ZNF90: variants seen among roughly 807,000 people sequenced by gnomAD.
ZNF90 encodes zinc finger protein 90, also known as zinc finger protein HTF9.
A neutral mutation model predicts 12.0 loss-of-function variants in ZNF90; 11 were observed. The ratio of observed to expected loss-of-function variants is 0.92; its 90% CI spans 0.58 to 1.52. The LOEUF (loss-of-function observed/expected upper bound fraction) is 1.52. Among genes scored for constraint, ZNF90 ranks in the 40% most tolerant of loss-of-function variants. ZNF90 has a pLI of 0.00. For synonymous variants in ZNF90, 232 were observed against 240.1 expected (o/e 0.97, Z 0.31); for missense variants, 765 against 711.5 (o/e 1.08, Z -0.86).
intron 1 of ZNF90, among the ~76,000 whole-genome samples, chr19:20,088,215 G>A (rs1173228817): frequency 4.6e-5 from 7 of 151,802 alleles, no homozygotes; most frequent in Non-Finnish European, 1.0e-4. Flanking sequence ...TTTGGGGGGT[G>A]GTATGGAGAG....
At chr19:20,093,095 G>A (rs1469647181) in intron 1 of ZNF90, among the ~76,000 whole-genome samples, 1 of 152,210 alleles carries the variant, frequency 6.6e-6, no homozygotes, top group Non-Finnish European at 1.5e-5. Flanking sequence ...AGTGAAAAAA[G>A]CATCTTTAAG....
At chr19:20,115,289 C>G (rs1163338111) in intron 3 of ZNF90, among the ~76,000 whole-genome samples, 2 of 152,002 alleles carry the variant, frequency 1.3e-5, no homozygotes, top group East Asian at 3.9e-4. Context: ...GAAAGAATGT[C>G]TCTTGATTGG....
At chr19:20,110,502 G>T (rs983181561) in intron 3 of ZNF90, among the ~76,000 whole-genome samples, 3 of 152,074 alleles carry the variant, frequency 2.0e-5, no homozygotes, top group Non-Finnish European at 2.9e-5. Flanking sequence ...CTGACGTCAG[G>T]TGATCTGCCC....
At chr19:20,115,349 G>T (rs1467289639) in intron 3 of ZNF90, among the ~76,000 whole-genome samples, 4 of 150,590 alleles carry the variant, frequency 2.7e-5, no homozygotes, top group Non-Finnish European at 5.9e-5. Flanking sequence ...AAAGAGAAAA[G>T]CTTACTAATG....
intron 1 of ZNF90, among the ~76,000 whole-genome samples, chr19:20,095,008 G>T (rs190971742): frequency 2.6e-5 from 4 of 152,152 alleles, no homozygotes; most frequent in African/African-American, 9.6e-5. Flanking sequence ...GTGGAGGAGT[G>T]GAGGCTGAGG....
chr19:20,118,665 T>C lies in ZNF90; in HGVS notation c.1111T>C (p.Cys371Arg). The C allele has an allele frequency of 6.4e-7, 1 of 1,568,282 alleles. No individual in the cohort carries two copies. The highest frequency in any genetic ancestry group is 1.2e-5 in the South Asian group (1 of 85,264). Residue 371 changes from cysteine (C) to arginine (R), a missense_variant, in exon 4 of 4, where the codon TGT becomes CGT. Physicochemically the swap from Cys to Arg is radical, Grantham distance 180. Transcript: ENST00000418063. ...TCATACTGGAGAGAAACCCTACAAG[T>C]GTGATAAATGTGGCAAAGCATTTAT... ...RIHTGEKPYKCDKCGKAFISS... is the reference protein window; with the variant it reads ...RIHTGEKPYKRDKCGKAFISS...
rs1244091049 is a variant in ZNF90 at position 20,118,568 on chromosome 19, G to T, written c.1014G>T (p.Glu338Asp). 2.5e-6 allele frequency: 4 copies of T among 1,613,254 alleles called. No individual in the cohort carries two copies. Among genetic ancestry groups the T allele is most frequent in the Non-Finnish European group, 3.4e-6 (4 of 1,179,936 alleles). ...CACATAAGAGAATCCATACTGGAGA[G>T]AAACCCTACAAATGTGAAGAATGTG... ...LSTHKRIHTG[E>D]KPYKCEECGK... is the part of the protein sequence containing the mutation. Residue 338 changes from glutamate (E) to aspartate (D), a missense_variant, in exon 4 of 4, where the codon GAG (glutamate) becomes GAT (aspartate). Physicochemically the swap from Glu to Asp is conservative, Grantham distance 45. Transcript: ENST00000418063.
intron 1 of ZNF90, among the ~76,000 whole-genome samples, chr19:20,083,930 A>G (rs782503268): frequency 4.0e-5 from 6 of 151,498 alleles, no homozygotes; most frequent in Non-Finnish European, 8.8e-5. Flanking sequence ...TTCTTTTTGT[A>G]TTTTTTGTGG....
In ZNF90 at chr19:20,117,397, C is replaced by CTTTTCTCCTTCCTTCCTTCCTTCCTTCCT. The variant is rs1294206352; in HGVS notation, c.227-383_227-382insTTTCTCCTTCCTTCCTTCCTTCCTTCCTT. On this transcript the variant is annotated intron_variant, in intron 3 of 3. Transcript: ENST00000418063. The stretch of plus-strand genomic sequence containing the variant: ...TTTTTCCTTTCTTTTCTTTTCTTTT[C>CTTTTCTCCTTCCTTCCTTCCTTCCTTCCT]TCCTTCCTTCCTTCCTTCCTTCCTT... Among the ~76,000 whole-genome samples the CTTTTCTCCTTCCTTCCTTCCTTCCTTCCT allele has an allele frequency of 4.7e-3, 425 of 91,088 alleles. 12 individuals carry two copies. Among genetic ancestry groups the CTTTTCTCCTTCCTTCCTTCCTTCCTTCCT allele is most frequent in the African/African-American group, 0.028 (389 of 13,908 alleles). 59.8% of individuals were successfully genotyped at this position (91,088 alleles called of 152,430 possible). A position where few individuals can be genotyped will look rare whatever the true frequency, so the allele number is the denominator to read the frequency against.
intron 1 of ZNF90, among the ~76,000 whole-genome samples, chr19:20,078,890 AGGCG>A (rs1167462145): frequency 6.6e-6 from 1 of 152,086 alleles, no homozygotes; most frequent in Non-Finnish European, 1.5e-5. Context: ...TGGGGCGCCG[AGGCG>A]GGCGGATCAC....
chr19:20,117,423 T>TTCCGTCCTTCCTTC (rs1555705802), intron 3 of ZNF90: 1 of 136,200 alleles, frequency 7.3e-6, no homozygotes, highest in South Asian at 2.2e-4. Flanking sequence ...TTCCTTCCTT[T>TTCCGTCCTTCCTTC]CTTCCTTCCC....
chr19:20,117,046 T>A (rs201371732), intron 3 of ZNF90, among the ~76,000 whole-genome samples: 26,502 of 140,516 alleles, frequency 0.19, 3,047 homozygotes, highest in East Asian at 0.27. Flanking sequence ...TGTGTGTGTG[T>A]GAGAGAGAGA....
intron 1 of ZNF90, among the ~76,000 whole-genome samples, chr19:20,079,135 AAAGT>A (rs1227172236): frequency 1.1e-4 from 17 of 151,094 alleles, no homozygotes; most frequent in African/African-American, 3.9e-4. Flanking sequence ...AAAAAAAAAA[AAAGT>A]AAGCATCTTA....
intron 3 of ZNF90, 39 bp from the exon 4 acceptor site, chr19:20,117,742 C>G: frequency 6.9e-7 from 1 of 1,449,880 alleles, no homozygotes; most frequent in East Asian, 2.5e-5. Flanking sequence ...TTATCAGAAT[C>G]TAGCAATTGA....
chr19:20,116,557 AT>A (rs1420642317), intron 3 of ZNF90, among the ~76,000 whole-genome samples: 3 of 152,226 alleles, frequency 2.0e-5, no homozygotes, highest in African/African-American at 7.2e-5. Flanking sequence ...TTTCTCTAAT[AT>A]TTTGTGTACA....
intron 3 of ZNF90, among the ~76,000 whole-genome samples, chr19:20,110,423 C>T (rs782727339): frequency 6.6e-6 from 1 of 152,042 alleles, no homozygotes; most frequent in Non-Finnish European, 1.5e-5. Context: ...GGATTACAGG[C>T]ACCCACTACC....
At chr19:20,116,866 T>C (rs1555705711) in intron 3 of ZNF90, among the ~76,000 whole-genome samples, 1 of 152,036 alleles carries the variant, frequency 6.6e-6, no homozygotes, top group Non-Finnish European at 1.5e-5. Flanking sequence ...CAAACTGTCA[T>C]TCCAATGTAT....
At chr19:20,081,614 ACCT>A (rs958279665) in intron 1 of ZNF90, among the ~76,000 whole-genome samples, 1 of 152,108 alleles carries the variant, frequency 6.6e-6, no homozygotes, top group African/African-American at 2.4e-5. Context: ...AAAGGTCTGG[ACCT>A]CCTCTTTATA....
intron 3 of ZNF90, chr19:20,106,827 T>C (rs1555704529): frequency 2.2e-6 from 1 of 451,218 alleles, no homozygotes; most frequent in African/African-American, 2.0e-5. Context: ...GCCCTCTGAA[T>C]TGATAGTGAA....
Sources: allele counts gnomAD v4.1 joint callset (sites outside exome capture counted in the v4.1 genomes callset), GRCh38; gene constraint gnomAD v4.1.1; transcripts MANE v1.5; gene names NCBI Gene and HGNC (gene_info 2026-07-23, HGNC 2026-07-21).